The following SLC5A12 variants were observed in gnomAD, a reference collection of about 807,000 sequenced individuals.
The protein encoded by SLC5A12 is solute carrier family 5 member 12.
In SLC5A12, 46 loss-of-function variants were observed where a neutral mutation model predicts 72.7. That is an observed-to-expected ratio of 0.63 (90% CI 0.50 to 0.81). SLC5A12 has a LOEUF of 0.81. Among genes scored for constraint, SLC5A12 ranks in the 30% least tolerant of loss-of-function variants. SLC5A12 has a pLI of 0.00. For synonymous variants in SLC5A12, 275 were observed against 264.4 expected (o/e 1.04, Z -0.39); for missense variants, 683 against 740.7 (o/e 0.92, Z 0.90).
intron 4 of SLC5A12, among the ~76,000 whole-genome samples, chr11:26,704,493 A>G (rs11029683): frequency 0.036 from 5,453 of 152,266 alleles, 327 homozygotes; most frequent in African/African-American, 0.12. Context: ...AGACTTTGAT[A>G]AGGACACTTA....
At position 26,669,691 on chromosome 11, in the gene SLC5A12, T is replaced by G. The variant is rs1437274188; in HGVS notation, c.*1411A>C. 6.6e-6 allele frequency: 1 copy of G among 151,976 alleles called. No homozygotes were observed. Among genetic ancestry groups the G allele is most frequent in the Non-Finnish European group, 1.5e-5 (1 of 67,988 alleles). The allele number at this position is 151,976 out of a possible 1,614,324, so 9.4% of individuals were successfully genotyped here. ...TTCTATCTTTTCTAATAATAAATAC[T>G]GGTAATTTATTTTTTCTCTATTGTA... On this transcript the variant is annotated 3_prime_UTR_variant, in exon 15 of 15. Coordinates refer to ENST00000396005, the MANE Select transcript of SLC5A12 (RefSeq NM_178498.4).
chr11:26,711,586 AT>A (rs1348720155), intron 2 of SLC5A12, among the ~76,000 whole-genome samples: 1 of 152,022 alleles, frequency 6.6e-6, no homozygotes, highest in East Asian at 1.9e-4. Context: ...ATTGCTACTA[AT>A]TTTGAGATAT....
At chr11:26,723,111 A>T (rs188211340), upstream of SLC5A12, among the ~76,000 whole-genome samples, 1 of 152,252 alleles carries the variant, frequency 6.6e-6, no homozygotes, top group African/African-American at 2.4e-5. Flanking sequence ...AAAATAAAAA[A>T]AATAATTTTT....
At chr11:26,678,619 G>A (rs116707492) in intron 13 of SLC5A12, 93 bp downstream of exon 13, 14 of 899,112 alleles carry the variant, frequency 1.6e-5, no homozygotes, top group African/African-American at 1.3e-4. Flanking sequence ...TGTGGGAAAC[G>A]TGAATTCAAA....
rs1478739334 is a variant in SLC5A12 at position 26,669,761 on chromosome 11, C to T, written c.*1341G>A. On this transcript the variant is annotated 3_prime_UTR_variant, in exon 15 of 15. Coordinates refer to ENST00000396005, the MANE Select transcript of SLC5A12 (RefSeq NM_178498.4). Reference sequence around the variant, plus strand: ...TCTTTTGAGAAATATTTAAAGACAACCTTTGGATTTCCTTATCCTTGCCTA... The same window carrying T: ...TCTTTTGAGAAATATTTAAAGACAATCTTTGGATTTCCTTATCCTTGCCTA... 6.6e-6 allele frequency: 1 copy of T among 152,012 alleles called. No individual in the cohort carries two copies. Among genetic ancestry groups the T allele is most frequent in the African/African-American group, 2.4e-5 (1 of 41,410 alleles). 9.4% of individuals were successfully genotyped at this position (152,012 alleles called of 1,614,324 possible).
At chr11:26,686,226 T>G (rs1854529163) in intron 10 of SLC5A12, among the ~76,000 whole-genome samples, 1 of 152,202 alleles carries the variant, frequency 6.6e-6, no homozygotes, top group African/African-American at 2.4e-5. Context: ...ATTACTAGTT[T>G]TAATCGTTTC....
chr11:26,683,650 T>C lies in SLC5A12; in HGVS notation c.1308+107A>G, dbSNP rs961371042. The C allele has an allele frequency of 1.0e-5, 9 of 861,326 alleles. No homozygotes were observed. In the Admixed American group the frequency reaches 1.4e-4, roughly 14 times the overall value. The allele number at this position is 861,326 out of a possible 1,614,324, so 53.4% of individuals were successfully genotyped here. On this transcript the variant is annotated intron_variant, in intron 11 of 14. Transcript: ENST00000396005. Reference sequence around the variant, plus strand: ...TCTGTTTAATTCTGCTGTGGATTCTTTTCCTGGCTAAGACAGATAGCTTTT... The same window carrying C: ...TCTGTTTAATTCTGCTGTGGATTCTCTTCCTGGCTAAGACAGATAGCTTTT...
chr11:26,697,740 T>G (rs1329909332), intron 7 of SLC5A12, among the ~76,000 whole-genome samples: 1 of 152,116 alleles, frequency 6.6e-6, no homozygotes, highest in Non-Finnish European at 1.5e-5. Flanking sequence ...GTCGTTTTCT[T>G]CAATCTGAGG....
intron 9 of SLC5A12, 133 bp from the exon 10 acceptor site, chr11:26,686,677 C>A (rs1854543486): frequency 2.8e-6 from 2 of 710,960 alleles, no homozygotes; most frequent in Non-Finnish European, 4.8e-6. Context: ...CCATCCTCCC[C>A]ATTCAGCCAT....
intron 4 of SLC5A12, among the ~76,000 whole-genome samples, chr11:26,705,976 A>T (rs1007156004): frequency 8.0e-6 from 1 of 124,542 alleles, no homozygotes; most frequent in Non-Finnish European, 1.7e-5. Flanking sequence ...ACACACACAC[A>T]CACTTACCTT....
intron 1 of SLC5A12, among the ~76,000 whole-genome samples, chr11:26,721,057 C>T (rs547686657): frequency 2.0e-5 from 3 of 152,156 alleles, no homozygotes; most frequent in South Asian, 2.1e-4. Context: ...AGAATGATGA[C>T]GTTCACAATA....
chr11:26,669,185 T>TTC lies in SLC5A12; in HGVS notation c.*1916_*1917insGA, dbSNP rs1491048504. 6.1e-5 allele frequency: 5 copies of TTC among 82,450 alleles called. No individual in the cohort carries two copies. The highest frequency in any genetic ancestry group is 1.8e-4 in the African/African-American group (5 of 28,054). 5.1% of individuals were successfully genotyped at this position (82,450 alleles called of 1,614,324 possible). On this transcript the variant is annotated 3_prime_UTR_variant, in exon 15 of 15. Coordinates refer to ENST00000396005, the MANE Select transcript of SLC5A12 (RefSeq NM_178498.4). ...CCTGTCTTTTTCTTTCTTTCTTTCTTCTTTTCTTTCTTTCTTTCTTTCTTT... is the reference window on the plus strand; with the variant it reads ...CCTGTCTTTTTCTTTCTTTCTTTCTTTCCTTTTCTTTCTTTCTTTCTTTCTTT...
rs1299967099 is a variant in SLC5A12, at chr11:26,703,798, T to C, written c.675A>G (p.Ile225Met). 6.2e-7 allele frequency: 1 copy of C among 1,613,862 alleles called. No homozygotes were observed. The highest frequency in any genetic ancestry group is 1.7e-5 in the Admixed American group (1 of 59,998). ...AAAAGTTGCATTGGACATACTCAAA[T>C]ATATGTAGTCGAGATCCATTTGTTG... ...EQSTNGSRLH[I>M]FDFDVDPLRR... The change falls in exon 5 of 15, where the codon ATA (isoleucine) becomes ATG (methionine). Residue 225 changes from isoleucine (I) to methionine (M), a missense_variant. Physicochemically the swap from Ile to Met is conservative, Grantham distance 10. Coordinates refer to ENST00000396005, the MANE Select transcript of SLC5A12 (RefSeq NM_178498.4).
At chr11:26,711,086 G>A (rs746840310) in intron 3 of SLC5A12, among the ~76,000 whole-genome samples, 8 of 151,940 alleles carry the variant, frequency 5.3e-5, no homozygotes, top group Admixed American at 1.3e-4. Context: ...ATCAAAATTG[G>A]TATCTAGAAG....
chr11:26,693,996 A>G (rs941919754), intron 8 of SLC5A12, among the ~76,000 whole-genome samples: 5 of 152,164 alleles, frequency 3.3e-5, no homozygotes, highest in African/African-American at 1.2e-4. Context: ...GTCTCAATAT[A>G]CTTCTTGTGA....
At position 26,703,965 on chromosome 11, in the gene SLC5A12, T is replaced by A. The variant is rs1006855045; in HGVS notation, c.526-18A>T. On this transcript the variant is annotated intron_variant, in intron 4 of 14. Transcript: ENST00000396005. The stretch of plus-strand genomic sequence containing the variant: ...AATCCTCCCTGAAATAGAGAGAATG[T>A]TTGAGTCCTTGAAAACAAACCCTGT... 3.7e-6 allele frequency: 6 copies of A among 1,612,730 alleles called. No homozygotes were observed. The Middle Eastern group carries it at 8.3e-4, about 223-fold the overall frequency.
chr11:26,697,104 ACAC>A, intron 8 of SLC5A12, 57 bp downstream of exon 8: 2 of 1,408,924 alleles, frequency 1.4e-6, no homozygotes, highest in Non-Finnish European at 2.0e-6. Context: ...GTTGATCACT[ACAC>A]CATCATCCTT....
At chr11:26,700,604 T>A (rs61073671) in intron 6 of SLC5A12, among the ~76,000 whole-genome samples, 5,260 of 152,258 alleles carry the variant, frequency 0.035, 292 homozygotes, top group African/African-American at 0.12. Flanking sequence ...AATGCAACTG[T>A]GTGTAGATGT....
At chr11:26,720,074 A>T (rs897981818) in intron 1 of SLC5A12, among the ~76,000 whole-genome samples, 2 of 152,176 alleles carry the variant, frequency 1.3e-5, no homozygotes, top group Non-Finnish European at 2.9e-5. Flanking sequence ...GTTAAATACC[A>T]TATATATTTG....
Sources: allele counts gnomAD v4.1 joint callset (sites outside exome capture counted in the v4.1 genomes callset), GRCh38; gene constraint gnomAD v4.1.1; transcripts MANE v1.5; gene names NCBI Gene and HGNC (gene_info 2026-07-23, HGNC 2026-07-21).